CHTOP: variants seen among roughly 807,000 people sequenced by gnomAD.
The protein encoded by CHTOP is chromatin target of PRMT1 protein.
A neutral mutation model predicts 33.6 loss-of-function variants in CHTOP; 18 were observed. The observed-to-expected ratio is 0.54, with a 90% CI of 0.37 to 0.80. The LOEUF (loss-of-function observed/expected upper bound fraction) is 0.80, where lower values mean the gene tolerates loss of function less well. CHTOP is among the 30% of genes least tolerant of loss of function. The pLI is 0.00. For missense variants in CHTOP, 263 were observed against 336.8 expected (o/e 0.78, Z 1.71); for synonymous variants, 117 against 127.7 (o/e 0.92, Z 0.56).
At chr1:153,644,018 C>T (rs978799405) in intron 5 of CHTOP, 1 of 152,114 alleles carries the variant, frequency 6.6e-6, no homozygotes, top group African/African-American at 2.4e-5. Flanking sequence ...AATGATGTTG[C>T]TGCTGTTAAT....
rs2101696367 is a variant in CHTOP, at chr1:153,645,049, T to TTC, written c.542-15_542-14insTC. On this transcript the variant is annotated splice_polypyrimidine_tract_variant and intron_variant, in intron 5 of 5. Coordinates refer to ENST00000368694, the MANE Select transcript of CHTOP (RefSeq NM_015607.4). ...GTAACTGTCTCTTTTTTTTTTTTTTTCCCCTTTGGGCCAGGTCGGGGTATG... is the reference window on the plus strand; with the variant it reads ...GTAACTGTCTCTTTTTTTTTTTTTTTTCCCCCTTTGGGCCAGGTCGGGGTATG... The TTC allele has an allele frequency of 1.9e-6, 3 of 1,577,254 alleles. No individual in the cohort carries two copies. The highest frequency in any genetic ancestry group is 2.6e-6 in the Non-Finnish European group (3 of 1,165,732).
rs774604010 is a variant in CHTOP at position 153,636,597 on chromosome 1, A to C, written c.9A>C (p.Ala3=). 9.9e-6 allele frequency: 16 copies of C among 1,613,352 alleles called. No individual in the cohort carries two copies. ...ATTCTCGGGATTCGAAGATGGCTGC[A>C]CAGTCAGCGCCGAAAGTTGTGCTAA... MA[A]QSAPKVVLKS... is the part of the protein sequence containing the mutation. Residue 3 remains alanine, a synonymous_variant, in exon 2 of 6, where the codon GCA becomes GCC. Transcript: ENST00000368694.
chr1:153,643,651 C>T (rs963119426), intron 5 of CHTOP: 20 of 249,622 alleles, frequency 8.0e-5, no homozygotes, highest in Non-Finnish European at 1.5e-4. Context: ...CCAAAATGGT[C>T]AGTTTAGGGT....
chr1:153,634,763 G>A (rs1198438669), intron 1 of CHTOP, among the ~76,000 whole-genome samples: 1 of 151,586 alleles, frequency 6.6e-6, no homozygotes, highest in Non-Finnish European at 1.5e-5. Flanking sequence ...TCAGTTTCTT[G>A]TTAAAGTCCC....
rs1410523164 is a variant in CHTOP, at chr1:153,636,684, TC to T, written c.65+33del. ...GCAGCCAACAGCAACTTCAACTCCT[TC>T]CTAAGAAAACATTACTTAACTTGGC... On this transcript the variant is annotated intron_variant, in intron 2 of 5. Transcript: ENST00000368694. 1.9e-6 allele frequency: 3 copies of T among 1,600,034 alleles called. No individual in the cohort carries two copies. The Admixed American group carries it at 5.1e-5, about 27-fold the overall frequency.
At chr1:153,641,236 G>A (rs1668611353) in intron 3 of CHTOP, among the ~76,000 whole-genome samples, 1 of 152,240 alleles carries the variant, frequency 6.6e-6, no homozygotes, top group Admixed American at 6.5e-5. Flanking sequence ...TCACTTGTGG[G>A]TGAAGCCTGA....
rs114699705 is a variant in CHTOP at position 153,641,431 on chromosome 1, G to A, written c.220-815G>A. Among the ~76,000 whole-genome samples, 1,001 of 152,300 alleles carry A rather than the reference G, an allele frequency of 6.6e-3. 11 individuals are homozygous for A. Among genetic ancestry groups the A allele is most frequent in the Middle Eastern group, 0.017 (5 of 294 alleles). On this transcript the variant is annotated intron_variant, in intron 3 of 5. Coordinates refer to ENST00000368694, the MANE Select transcript of CHTOP (RefSeq NM_015607.4). ...AGATTCTTAAAAATACCCTATCTCT[G>A]TAGTGTGTCCTTGTTCTTATATATG...
Position 153,642,365 on chromosome 1 carries a change from C to T in CHTOP, c.339C>T (p.Pro113=). Residue 113 remains proline (P), a synonymous_variant, in exon 4 of 6, where the codon CCC becomes CCT. Coordinates refer to ENST00000368694, the MANE Select transcript of CHTOP (RefSeq NM_015607.4). ...TACCCATAATCCAGAGAGGCTTGCC[C>T]AGAGGAGGACTACGTGGGGGACGTG... ...RGLPIIQRGL[P]RGGLRGGRAT... The T allele has an allele frequency of 6.2e-7, 1 of 1,614,142 alleles. No individual in the cohort carries two copies. Among genetic ancestry groups the T allele is most frequent in the African/African-American group, 1.3e-5 (1 of 75,044 alleles).
In CHTOP at chr1:153,639,357, A is replaced by G. The variant is rs1040597956; in HGVS notation, c.219+909A>G. 13 of 899,096 alleles carry G rather than the reference A, an allele frequency of 1.4e-5. No individual in the cohort carries two copies. The East Asian group carries it at 1.5e-3, about 107-fold the overall frequency. The allele number at this position is 899,096 out of a possible 1,614,324, so 55.7% of individuals were successfully genotyped here. A position where few individuals can be genotyped will look rare whatever the true frequency, so the allele number is the denominator to read the frequency against. On this transcript the variant is annotated intron_variant, in intron 3 of 5. Transcript: ENST00000368694. Reference sequence around the variant, plus strand: ...AGACCTGAAATAAAACCTGCTCTTTATTATTCATAGAATTTATATGCAAGT... The same window carrying G: ...AGACCTGAAATAAAACCTGCTCTTTGTTATTCATAGAATTTATATGCAAGT...
At chr1:153,636,458 G>A (rs537866531) in intron 1 of CHTOP, 114 bp from the exon 2 acceptor site, 4 of 700,036 alleles carry the variant, frequency 5.7e-6, no homozygotes, top group Non-Finnish European at 9.7e-6. Context: ...GCCCTCGTGT[G>A]CTCTTTAGTC....
intron 5 of CHTOP, chr1:153,643,570 T>C: frequency 2.1e-6 from 1 of 474,036 alleles, no homozygotes; most frequent in Non-Finnish European, 3.6e-6. Flanking sequence ...AAGTGCATAT[T>C]ATAGAGCCAG....
At chr1:153,638,658 A>G in intron 3 of CHTOP, 2 of 597,622 alleles carry the variant, frequency 3.3e-6, no homozygotes, top group Admixed American at 5.6e-5. Context: ...GGAGTTTGCC[A>G]TCTATGTGGC....
intron 2 of CHTOP, chr1:153,637,476 T>A (rs1668448048): frequency 6.6e-6 from 1 of 152,164 alleles, no homozygotes. Flanking sequence ...GGTGAAACCC[T>A]GTCTCTACTA....
intron 5 of CHTOP, chr1:153,644,087 C>A (rs1158126519): frequency 6.6e-6 from 1 of 152,086 alleles, no homozygotes; most frequent in Non-Finnish European, 1.5e-5. Flanking sequence ...CAACACCTGT[C>A]CAGAAAAAAA....
chr1:153,639,034 C>T (rs1668518142), intron 3 of CHTOP, among the ~76,000 whole-genome samples: 1 of 152,158 alleles, frequency 6.6e-6, no homozygotes, highest in African/African-American at 2.4e-5. Context: ...GTGCCCGCCA[C>T]CACACCCAGC....
In CHTOP at chr1:153,645,131, A is replaced by C; in HGVS notation, c.609A>C (p.Arg203Ser). The change falls in exon 6 of 6, where the codon AGA (arginine) becomes AGC (serine). Residue 203 changes from arginine to serine, a missense_variant. Coordinates refer to ENST00000368694, the MANE Select transcript of CHTOP (RefSeq NM_015607.4). ...GAGGCCGAGGCCGTGGACGAGGGAG[A>C]GGTGCCCTTGCTCGCCCTGTATTGA... is the stretch of plus-strand genomic sequence containing the variant. ...GGRGRGRGRGRGALARPVLTK... is the reference protein window; with the variant it reads ...GGRGRGRGRGSGALARPVLTK... 6.2e-7 allele frequency: 1 copy of C among 1,612,516 alleles called. No homozygotes were observed. The highest frequency in any genetic ancestry group is 8.5e-7 in the Non-Finnish European group (1 of 1,179,816).
Position 153,639,128 on chromosome 1 carries a change from G to A in CHTOP, c.219+680G>A, listed in dbSNP as rs900399222. 4.6e-5 allele frequency among the ~76,000 whole-genome samples: 7 copies of A among 152,038 alleles called. No individual in the cohort carries two copies. In the East Asian group the frequency reaches 5.8e-4, roughly 13 times the overall value. On this transcript the variant is annotated intron_variant, in intron 3 of 5. Coordinates refer to ENST00000368694, the MANE Select transcript of CHTOP (RefSeq NM_015607.4). ...GATCTCCTGACCTCGTGATCCACCC[G>A]CCTCGGCCTCCCAAAGTGCTGGGAT...
intron 5 of CHTOP, 51 bp downstream of exon 5, chr1:153,643,415 TA>T: frequency 6.8e-7 from 1 of 1,464,676 alleles, no homozygotes; most frequent in Non-Finnish European, 9.0e-7. Flanking sequence ...TTTCCTCCCT[TA>T]AAAACTCAGA....
intron 3 of CHTOP, among the ~76,000 whole-genome samples, chr1:153,639,919 G>A (rs116213883): frequency 1.3e-5 from 2 of 151,962 alleles, no homozygotes; most frequent in South Asian, 2.1e-4. Flanking sequence ...AGCTACAGGC[G>A]CCCGCCACCA....
Sources: allele counts gnomAD v4.1 joint callset (sites outside exome capture counted in the v4.1 genomes callset), GRCh38; gene constraint gnomAD v4.1.1; transcripts MANE v1.5; gene names NCBI Gene and HGNC (gene_info 2026-07-23, HGNC 2026-07-21).